The following NRIP3 variants were observed in gnomAD, a reference collection of about 807,000 sequenced individuals.
The protein encoded by NRIP3 is nuclear receptor interacting protein 3, also known as nuclear receptor-interacting protein 3.
NRIP3 carries 31 observed loss-of-function variants against 29.0 expected under a neutral mutation model. The observed-to-expected ratio is 1.07, with a 90% CI of 0.80 to 1.44. The LOEUF is 1.44. Ranked by LOEUF, NRIP3 falls within the 40% of genes most tolerant of loss-of-function variation. The probability of loss-of-function intolerance (pLI) is 0.00; values close to 1 mark genes in which losing one functional copy is unlikely to be tolerated. For missense variants in NRIP3, 314 were observed against 297.9 expected (o/e 1.05, Z -0.40); for synonymous variants, 131 against 118.3 (o/e 1.11, Z -0.70).
intron 1 of NRIP3, among the ~76,000 whole-genome samples, chr11:8,999,618 C>T (rs1450118787): frequency 1.3e-5 from 2 of 152,194 alleles, no homozygotes; most frequent in East Asian, 3.9e-4. Flanking sequence ...CAATGGCCTC[C>T]TACTACATCT....
intron 1 of NRIP3, among the ~76,000 whole-genome samples, chr11:8,998,297 G>A (rs1854742252): frequency 6.6e-6 from 1 of 152,184 alleles, no homozygotes; most frequent in African/African-American, 2.4e-5. Flanking sequence ...CACTGCCCCA[G>A]GCCTTCTGTG....
At chr11:8,986,869 A>G (rs926853731) in intron 3 of NRIP3, among the ~76,000 whole-genome samples, 4 of 152,172 alleles carry the variant, frequency 2.6e-5, no homozygotes, top group Non-Finnish European at 5.9e-5. Flanking sequence ...AAATACAAAA[A>G]ATTAGCTAGG....
upstream of NRIP3, chr11:9,004,138 G>A (rs553345693): frequency 8.4e-4 from 351 of 416,970 alleles, 1 homozygote; most frequent in African/African-American, 6.7e-3. Context: ...CCCGCGTCCC[G>A]CGTCCCCTGC....
chr11:8,999,633 T>C (rs942683812), intron 1 of NRIP3, among the ~76,000 whole-genome samples: 8 of 152,192 alleles, frequency 5.3e-5, no homozygotes, highest in African/African-American at 1.7e-4. Context: ...ACATCTCTGA[T>C]GTTATCTTCT....
intron 1 of NRIP3, among the ~76,000 whole-genome samples, chr11:8,997,176 A>G (rs1338260333): frequency 6.6e-6 from 1 of 152,012 alleles, no homozygotes; most frequent in Non-Finnish European, 1.5e-5. Flanking sequence ...GGAGATCAAG[A>G]CCATCCTGGC....
In NRIP3 at chr11:8,985,719, G is replaced by C. The variant is rs1377426879; in HGVS notation, c.554C>G (p.Ala185Gly). 2 of 1,613,772 alleles carry C rather than the reference G, an allele frequency of 1.2e-6. No individual in the cohort carries two copies. Among genetic ancestry groups the C allele is most frequent in the Non-Finnish European group, 1.7e-6 (2 of 1,180,022 alleles). ...LGSLRLDCPAAVVDDNEKNLS... is the reference protein window; with the variant it reads ...LGSLRLDCPAGVVDDNEKNLS... ...CCCTCAATTCTGCTTACCAACCACA[G>C]CTGCTGGGCAGTCCAGGCGGAGGGA... Residue 185 changes from alanine to glycine, a missense_variant, in exon 4 of 7, where the codon GCT becomes GGT. Ala to Gly is a moderately conservative substitution (Grantham distance 60, BLOSUM62 0). Coordinates refer to ENST00000309166, the MANE Select transcript of NRIP3 (RefSeq NM_020645.3).
intron 1 of NRIP3, among the ~76,000 whole-genome samples, chr11:8,993,053 C>G (rs745375255): frequency 3.9e-5 from 6 of 152,064 alleles, no homozygotes; most frequent in Non-Finnish European, 7.4e-5. Context: ...AAACAAACAA[C>G]AAGGAGAAAA....
chr11:8,987,472 A>G, intron 3 of NRIP3, 76 bp downstream of exon 3: 18 of 1,058,160 alleles, frequency 1.7e-5, no homozygotes, highest in Non-Finnish European at 2.7e-5. Flanking sequence ...GACCCTCACC[A>G]TCTCTAACCA....
rs11324721 is a variant in NRIP3 at position 8,997,355 on chromosome 11, C to CAAA, written c.174+6404_174+6406dup. Among the ~76,000 whole-genome samples, 245 of 100,596 alleles carry CAAA rather than the reference C, an allele frequency of 2.4e-3. 1 individual carries two copies. Among genetic ancestry groups the CAAA allele is most frequent in the Non-Finnish European group, 2.8e-3 (153 of 54,182 alleles). The allele number at this position is 100,596 out of a possible 152,430, so 66.0% of individuals were successfully genotyped here. A position where few individuals can be genotyped will look rare whatever the true frequency, so the allele number is the denominator to read the frequency against. On this transcript the variant is annotated intron_variant, in intron 1 of 6. Transcript: ENST00000309166. ...CTGGTGAGAGAGCGAGACTCCGTCT[C>CAAA]AAAAAAAAAAAAAAAAAAAAAAAGA...
In NRIP3 at chr11:9,003,126, C is replaced by T. The variant is rs1168867462; in HGVS notation, c.174+636G>A. ...TCGGTGAGATGCAGCAGCCTGGCTT[C>T]CTCCCTCTACCCACTCCTTGGGGGC... On this transcript the variant is annotated intron_variant, in intron 1 of 6. Transcript: ENST00000309166. Among the ~76,000 whole-genome samples, 3 of 152,140 alleles carry T rather than the reference C, an allele frequency of 2.0e-5. No homozygotes were observed. The East Asian group carries it at 5.8e-4, about 29-fold the overall frequency.
In NRIP3 at chr11:9,003,853, C is replaced by T. The variant is rs1486983390; in HGVS notation, c.83G>A (p.Arg28Gln). The T allele has an allele frequency of 6.6e-7, 1 of 1,521,678 alleles. No individual in the cohort carries two copies. The highest frequency in any genetic ancestry group is 2.8e-5 in the East Asian group (1 of 36,184). 94.3% of individuals were successfully genotyped at this position (1,521,678 alleles called of 1,614,324 possible). A position where few individuals can be genotyped will look rare whatever the true frequency, so the allele number is the denominator to read the frequency against. ...REAASLRQQR[R>Q]MKQAVQFIHK... is the part of the protein sequence containing the mutation. ...GATGAACTGCACCGCCTGCTTCATC[C>T]GGCGCTGCTGTCGCAGTGACGCCGC... Residue 28 changes from arginine to glutamine, a missense_variant, in exon 1 of 7, where the codon CGG becomes CAG. Physicochemically the swap from Arg to Gln is conservative, Grantham distance 43. Coordinates refer to ENST00000309166, the MANE Select transcript of NRIP3 (RefSeq NM_020645.3).
At chr11:8,996,343 G>A (rs936667710) in intron 1 of NRIP3, among the ~76,000 whole-genome samples, 4 of 137,970 alleles carry the variant, frequency 2.9e-5, no homozygotes, top group Admixed American at 7.9e-5. Context: ...GTGCAGTGGC[G>A]CAATCTTGGC....
At chr11:9,000,909 A>C (rs1237369858) in intron 1 of NRIP3, among the ~76,000 whole-genome samples, 1 of 152,064 alleles carries the variant, frequency 6.6e-6, no homozygotes, top group Non-Finnish European at 1.5e-5. Context: ...TCTCTACAAA[A>C]AATACAAAAG....
At chr11:9,003,363 C>T (rs1475151708) in intron 1 of NRIP3, among the ~76,000 whole-genome samples, 1 of 152,168 alleles carries the variant, frequency 6.6e-6, no homozygotes, top group East Asian at 1.9e-4. Context: ...TTCCCCCTCA[C>T]GGAAAGCCAT....
chr11:9,002,252 G>A (rs1854817250), intron 1 of NRIP3, among the ~76,000 whole-genome samples: 2 of 152,098 alleles, frequency 1.3e-5, no homozygotes, highest in African/African-American at 4.8e-5. Context: ...ACTAGGATAG[G>A]ATTATTTGGC....
intron 4 of NRIP3, among the ~76,000 whole-genome samples, chr11:8,985,063 C>T (rs555621890): frequency 3.3e-5 from 5 of 152,024 alleles, no homozygotes; most frequent in Admixed American, 6.5e-5. Flanking sequence ...GTTGGTCAGG[C>T]TGGTCTCGAA....
rs747177008 is a variant in NRIP3, at chr11:9,003,967, G to GC, written c.-33dup. The GC allele has an allele frequency of 3.9e-5, 57 of 1,465,372 alleles. No homozygotes were observed. The highest frequency in any genetic ancestry group is 7.8e-5 in the South Asian group (6 of 77,100). The allele number at this position is 1,465,372 out of a possible 1,614,324, so 90.8% of individuals were successfully genotyped here. On this transcript the variant is annotated 5_prime_UTR_variant, in exon 1 of 7. Transcript: ENST00000309166. ...GGCGCCGGCGGCCCGGTAGCCCACAGCCCCCCGGCAGCCTCAGCCTCGAGC... is the reference window on the plus strand; with the variant it reads ...GGCGCCGGCGGCCCGGTAGCCCACAGCCCCCCCGGCAGCCTCAGCCTCGAGC...
chr11:8,987,567 C>T lies in NRIP3; in HGVS notation c.403G>A (p.Ala135Thr), dbSNP rs755661955. 1.9e-6 allele frequency: 3 copies of T among 1,613,928 alleles called. No homozygotes were observed. The highest frequency in any genetic ancestry group is 1.7e-5 in the Admixed American group (1 of 60,022). The change falls in exon 3 of 7, where the codon GCC becomes ACC. Residue 135 changes from alanine to threonine, a missense_variant. Coordinates refer to ENST00000309166, the MANE Select transcript of NRIP3 (RefSeq NM_020645.3). ...TGCLYNLISL[A>T]CVDRLGLKEH... Reference sequence around the variant, plus strand: ...ACTTACCCCAATCTGTCCACACAGGCCAAAGAGATGAGATTATATAGGCAG... The same window carrying T: ...ACTTACCCCAATCTGTCCACACAGGTCAAAGAGATGAGATTATATAGGCAG...
intron 4 of NRIP3, 131 bp from the exon 5 acceptor site, chr11:8,984,255 T>TA: frequency 2.7e-6 from 1 of 373,242 alleles, no homozygotes; most frequent in Admixed American, 5.4e-5. Flanking sequence ...TGTGTTATTT[T>TA]TTTTTTATTT....
Sources: allele counts gnomAD v4.1 joint callset (sites outside exome capture counted in the v4.1 genomes callset), GRCh38; gene constraint gnomAD v4.1.1; transcripts MANE v1.5; gene names NCBI Gene and HGNC (gene_info 2026-07-23, HGNC 2026-07-21).